Variants in SVIL observed in about 807,000 individuals in gnomAD.
The protein encoded by SVIL is supervillin.
SVIL carries 101 observed loss-of-function variants against 240.4 expected under a neutral mutation model. The ratio of observed to expected loss-of-function variants is 0.42; its 90% confidence interval spans 0.36 to 0.50. SVIL has a LOEUF of 0.50. Ranked by LOEUF, SVIL falls within the 20% of genes least tolerant of loss-of-function variation. SVIL has a pLI of 0.01. For synonymous variants in SVIL, 999 were observed against 1,100.0 expected, an observed-to-expected ratio of 0.91 and a Z score of 1.82; for missense variants, 2,512 against 2,818.7, an observed-to-expected ratio of 0.89 and a Z score of 2.46.
intron 7 of SVIL, 130 bp downstream of exon 7, chr10:29,535,859 C>A: frequency 1.1e-6 from 1 of 871,662 alleles, no homozygotes; most frequent in Non-Finnish European, 1.8e-6. Flanking sequence ...TAGAAAGTAA[C>A]TTCCACGTGA....
chr10:29,573,243 A>C (rs1286215488), intron 1 of SVIL, among the ~76,000 whole-genome samples: 26 of 151,872 alleles, frequency 1.7e-4, no homozygotes, highest in Non-Finnish European at 2.9e-5. Context: ...ATTCCAGTAC[A>C]CATTTTTTTT....
intron 1 of SVIL, among the ~76,000 whole-genome samples, chr10:29,688,441 T>C (rs1961256331): frequency 1.3e-5 from 2 of 152,232 alleles, no homozygotes; most frequent in Non-Finnish European, 2.9e-5. Flanking sequence ...CCTCGTTCCC[T>C]GCTTTCTTTG....
intron 3 of SVIL, among the ~76,000 whole-genome samples, chr10:29,656,339 A>G (rs1959005033): frequency 6.6e-6 from 1 of 151,998 alleles, no homozygotes; most frequent in Non-Finnish European, 1.5e-5. Context: ...ACTTCAGGGC[A>G]TTCCTGGATC....
rs1958232014 is a variant in SVIL, at chr10:29,634,419, C to T, written c.-201+1G>A. The stretch of plus-strand genomic sequence containing the variant: ...GATTTATAGGAAGATTTTTCACTTA[C>T]TTCAAATTTCTGTATAATCCTCGTT... On this transcript the variant is annotated splice_donor_variant, in intron 1 of 37. Transcript: ENST00000355867. LOFTEE classifies it low-confidence loss of function (5UTR_SPLICE). 2 of 152,078 alleles carry T rather than the reference C, an allele frequency of 1.3e-5. No homozygotes were observed. The highest frequency in any genetic ancestry group is 4.1e-4 in the South Asian group (2 of 4,834). The allele number at this position is 152,078 out of a possible 1,614,324, so 9.4% of individuals were successfully genotyped here.
intron 1 of SVIL, among the ~76,000 whole-genome samples, chr10:29,704,072 G>C (rs988406178): frequency 2.0e-5 from 3 of 152,124 alleles, no homozygotes; most frequent in African/African-American, 7.2e-5. Context: ...CAAAGTGCTA[G>C]GATTACAGGC....
chr10:29,519,571 T>A (rs1247967880), intron 16 of SVIL, among the ~76,000 whole-genome samples: 1 of 152,206 alleles, frequency 6.6e-6, no homozygotes, highest in Non-Finnish European at 1.5e-5. Context: ...AAAGCTATCA[T>A]GGATGAATTG....
chr10:29,480,444 G>C, intron 29 of SVIL, 93 bp downstream of exon 29: 1 of 1,505,946 alleles, frequency 6.6e-7, no homozygotes. Context: ...GGACGCAGCA[G>C]AGGGCATGAC....
chr10:29,622,306 C>T (rs567411197), intron 1 of SVIL, among the ~76,000 whole-genome samples: 1 of 149,100 alleles, frequency 6.7e-6, no homozygotes, highest in East Asian at 2.0e-4. Flanking sequence ...GTCAATCTCT[C>T]GTTTTTCAGG....
chr10:29,593,673 ATGTAATATTT>A (rs1419573910), intron 1 of SVIL, among the ~76,000 whole-genome samples: 1 of 152,244 alleles, frequency 6.6e-6, no homozygotes, highest in South Asian at 2.1e-4. Context: ...CAAATTTACA[ATGTAATATTT>A]TGGACAATGT....
chr10:29,696,609 G>A (rs1285053344), intron 1 of SVIL, among the ~76,000 whole-genome samples: 2 of 149,162 alleles, frequency 1.3e-5, no homozygotes, highest in Non-Finnish European at 3.0e-5. Context: ...CCGCCGCCCC[G>A]TCTGGGATGT....
Position 29,484,976 on chromosome 10 carries a change from CAGG to C in SVIL, c.4780-148_4780-146del, listed in dbSNP as rs1947255697. 7 of 856,884 alleles carry C rather than the reference CAGG, an allele frequency of 8.2e-6. No individual in the cohort carries two copies. Among genetic ancestry groups the C allele is most frequent in the Middle Eastern group, 3.1e-4 (1 of 3,214 alleles). The allele number at this position is 856,884 out of a possible 1,614,324, so 53.1% of individuals were successfully genotyped here. A position where few individuals can be genotyped will look rare whatever the true frequency, so the allele number is the denominator to read the frequency against. Reference sequence around the variant, plus strand: ...GCGACCAACACAGACACAAAAAGGCCAGGAGATCTCAGCTGGCACTGCCCCACC... The same window carrying C: ...GCGACCAACACAGACACAAAAAGGCCAGATCTCAGCTGGCACTGCCCCACC... On this transcript the variant is annotated intron_variant, in intron 26 of 37. Coordinates refer to ENST00000355867, the MANE Select transcript of SVIL (RefSeq NM_021738.3). The surrounding 1 kb of genome is among the most constrained non-coding windows in gnomAD (Gnocchi z 4.7).
intron 2 of SVIL, among the ~76,000 whole-genome samples, chr10:29,567,229 G>A (rs1354029228): frequency 1.3e-5 from 2 of 152,094 alleles, no homozygotes; most frequent in Admixed American, 6.5e-5. Context: ...ATAGCAGCAC[G>A]GGGGAATTTT....
chr10:29,596,614 C>A lies in SVIL; in HGVS notation c.-200-27302G>T, dbSNP rs1029922276. Among the ~76,000 whole-genome samples the A allele has an allele frequency of 4.6e-5, 7 of 152,118 alleles. No homozygotes were observed. In the East Asian group the frequency reaches 1.4e-3, roughly 29 times the overall value. Reference sequence around the variant, plus strand: ...TGCCACAACTCAGGGAGTTTCAGGGCCACTGGGCATTGGGCTAGAGGGAGG... The same window carrying A: ...TGCCACAACTCAGGGAGTTTCAGGGACACTGGGCATTGGGCTAGAGGGAGG... On this transcript the variant is annotated intron_variant, in intron 1 of 37. Transcript: ENST00000355867.
At chr10:29,600,997 G>A (rs776096412) in intron 1 of SVIL, among the ~76,000 whole-genome samples, 14 of 152,272 alleles carry the variant, frequency 9.2e-5, no homozygotes, top group Non-Finnish European at 4.4e-5. Flanking sequence ...TGTCCGCGCG[G>A]TTTTAAAACC....
chr10:29,522,319 AT>A, intron 16 of SVIL, 90 bp downstream of exon 16: 1 of 1,217,328 alleles, frequency 8.2e-7, no homozygotes, highest in Non-Finnish European at 1.2e-6. Flanking sequence ...GTATGATTTC[AT>A]CTCTTTGCCC....
rs758137239 is a variant in SVIL at position 29,480,610 on chromosome 10, G to A, written c.5304C>T (p.Pro1768=). 25 of 1,614,142 alleles carry A rather than the reference G, an allele frequency of 1.5e-5. No individual in the cohort carries two copies. The highest frequency in any genetic ancestry group is 2.0e-5 in the Non-Finnish European group (24 of 1,180,036). Residue 1768 remains proline, a synonymous_variant, in exon 29 of 38, where the codon CCC becomes CCT. Transcript: ENST00000355867. ...HILEFDYSRL[P]KQSIGQFHEG... ...CATGGAACTGCCCGATGCTTTGTTT[G>A]GGGAGCCTGCTATAGTCGAATTCCA... is the stretch of plus-strand genomic sequence containing the variant.
At chr10:29,720,104 A>T (rs921696649) in intron 1 of SVIL, among the ~76,000 whole-genome samples, 1 of 152,172 alleles carries the variant, frequency 6.6e-6, no homozygotes, top group African/African-American at 2.4e-5. Context: ...GTTGCTCGGG[A>T]GGCTGAGGCA....
chr10:29,536,193 G>A lies in SVIL; in HGVS notation c.828-124C>T. On this transcript the variant is annotated intron_variant, in intron 6 of 37. Transcript: ENST00000355867. ...AAGAATAATCCTCACTTATAAGTGG[G>A]AGTTAAACATGGAGTACACATGGTC... 4.5e-6 allele frequency: 4 copies of A among 896,098 alleles called. No individual in the cohort carries two copies. The South Asian group carries it at 6.5e-5, about 15-fold the overall frequency. 55.5% of individuals were successfully genotyped at this position (896,098 alleles called of 1,614,324 possible). A position where few individuals can be genotyped will look rare whatever the true frequency, so the allele number is the denominator to read the frequency against.
intron 3 of SVIL, among the ~76,000 whole-genome samples, chr10:29,653,414 T>C (rs1036306846): frequency 1.3e-5 from 2 of 152,190 alleles, no homozygotes; most frequent in Non-Finnish European, 2.9e-5. Flanking sequence ...GCTTCCTATA[T>C]GACCTGAAGA....
Sources: gnomAD v4.1 joint callset for allele counts (sites outside exome capture counted in the v4.1 genomes callset) on GRCh38, gnomAD v4.1.1 for gene constraint, Gnocchi (gnomAD v3.1) non-coding constraint, MANE v1.5 for transcripts, NCBI Gene and HGNC (gene_info 2026-07-23, HGNC 2026-07-21) for gene names.